The following C2orf76 variants were observed in gnomAD, a reference collection of about 807,000 sequenced individuals.
C2orf76 encodes the protein UPF0538 protein C2orf76.
In C2orf76, 23 loss-of-function variants were observed where a neutral mutation model predicts 16.9. That is an observed-to-expected ratio of 1.36 (90% CI 0.98 to 1.93). The LOEUF (loss-of-function observed/expected upper bound fraction) is 1.93, where lower values mean the gene tolerates loss of function less well. C2orf76 is among the 30% of genes most tolerant of loss of function. The pLI, the probability that C2orf76 is intolerant of heterozygous loss-of-function variation, is 0.00. For synonymous variants in C2orf76, 48 were observed against 52.3 expected (o/e 0.92, Z 0.35); for missense variants, 152 against 152.6 (o/e 1.00, Z 0.02).
intron 4 of C2orf76, among the ~76,000 whole-genome samples, chr2:119,313,985 T>G (rs1428523377): frequency 3.3e-5 from 5 of 151,674 alleles, no homozygotes; most frequent in African/African-American, 9.7e-5. Context: ...TTTCCCCCAC[T>G]TTTCATTTGT....
intron 1 of C2orf76, among the ~76,000 whole-genome samples, chr2:119,358,592 A>G (rs972750798): frequency 1.1e-4 from 17 of 151,720 alleles, no homozygotes; most frequent in African/African-American, 3.6e-4. Flanking sequence ...AAAAAAAAAA[A>G]AAAAAGGCAA....
chr2:119,356,027 G>A (rs560657442), intron 1 of C2orf76, among the ~76,000 whole-genome samples: 1 of 152,246 alleles, frequency 6.6e-6, no homozygotes, highest in East Asian at 1.9e-4. Flanking sequence ...ATCAGAAACA[G>A]GAACCTACCA....
At chr2:119,321,080 CA>C in intron 3 of C2orf76, 73 bp downstream of exon 3, 1 of 819,356 alleles carries the variant, frequency 1.2e-6, no homozygotes, top group Admixed American at 3.5e-5. Context: ...TTTTTGAAAA[CA>C]AAATTTAAGT....
intron 1 of C2orf76, among the ~76,000 whole-genome samples, chr2:119,345,757 A>G (rs1001441921): frequency 3.3e-5 from 5 of 152,158 alleles, no homozygotes; most frequent in African/African-American, 1.2e-4. Context: ...TACAGCTAAA[A>G]AGTACTAAAA....
At chr2:119,310,796 C>T (rs1247173733) in intron 5 of C2orf76, among the ~76,000 whole-genome samples, 1 of 152,166 alleles carries the variant, frequency 6.6e-6, no homozygotes, top group East Asian at 1.9e-4. Context: ...ATCGCTTGAA[C>T]CCGGGAGATG....
Position 119,364,459 on chromosome 2 carries a change from CT to C in C2orf76, c.-13+2330del, listed in dbSNP as rs1023370330. Among the ~76,000 whole-genome samples, 15 of 152,244 alleles carry C rather than the reference CT, an allele frequency of 9.9e-5. 1 individual carries two copies. The highest frequency in any genetic ancestry group is 3.6e-4 in the African/African-American group (15 of 41,560). ...CAACCCCATAGTTTTACATTCAGTT[CT>C]AACAAATTTAGATGGTTTCCAAGTT... is the stretch of plus-strand genomic sequence containing the variant. On this transcript the variant is annotated intron_variant, in intron 1 of 5. Coordinates refer to ENST00000334816, the MANE Select transcript of C2orf76 (RefSeq NM_001322331.2).
chr2:119,315,752 C>T (rs1342715314), intron 4 of C2orf76, among the ~76,000 whole-genome samples: 1 of 152,152 alleles, frequency 6.6e-6, no homozygotes, highest in African/African-American at 2.4e-5. Flanking sequence ...TGGGAGTCCT[C>T]CCTTAAACAA....
chr2:119,301,918 T>A (rs753192049), downstream of C2orf76, among the ~76,000 whole-genome samples: 7 of 138,884 alleles, frequency 5.0e-5, no homozygotes, highest in East Asian at 4.1e-4. Context: ...TGCAATACTT[T>A]AAAAAAAAAA....
the C2orf76 span, among the ~76,000 whole-genome samples, chr2:119,281,386 G>A: frequency 4.0e-4 from 61 of 151,998 alleles, no homozygotes; most frequent in Non-Finnish European, 7.1e-4. Flanking sequence ...TTGGTTTTCC[G>A]TTCCAAGAGT....
rs193239806 is a variant in C2orf76 at position 119,338,388 on chromosome 2, G to A, written c.133+1439C>T. On this transcript the variant is annotated intron_variant, in intron 2 of 5. Transcript: ENST00000334816. ...ACAGCACAAGAGAATCCACATTAACGAGCTTTACTAACTAGCCTTAGTATT... is the reference window on the plus strand; with the variant it reads ...ACAGCACAAGAGAATCCACATTAACAAGCTTTACTAACTAGCCTTAGTATT... Among the ~76,000 whole-genome samples, 19 of 152,332 alleles carry A rather than the reference G, an allele frequency of 1.2e-4. No homozygotes were observed. The East Asian group carries it at 2.9e-3, about 23-fold the overall frequency.
intron 1 of C2orf76, among the ~76,000 whole-genome samples, chr2:119,346,054 C>CAAAA (rs56669262): frequency 2.7e-5 from 2 of 73,528 alleles, no homozygotes; most frequent in African/African-American, 4.4e-5. Context: ...GACGCCATCT[C>CAAAA]AAAAAAAAAA....
At chr2:119,330,554 C>A (rs1679645140) in intron 2 of C2orf76, among the ~76,000 whole-genome samples, 1 of 151,806 alleles carries the variant, frequency 6.6e-6, no homozygotes, top group South Asian at 2.1e-4. Flanking sequence ...CTTCATGTTT[C>A]TTTTGCTTGG....
At chr2:119,297,186 C>T in the C2orf76 span, among the ~76,000 whole-genome samples, 1 of 152,212 alleles carries the variant, frequency 6.6e-6, no homozygotes, top group Non-Finnish European at 1.5e-5. Context: ...CTTATTATCT[C>T]CTCCATCTCA....
At chr2:119,314,387 TAA>T (rs1010702401) in intron 4 of C2orf76, among the ~76,000 whole-genome samples, 19 of 152,320 alleles carry the variant, frequency 1.2e-4, no homozygotes, top group African/African-American at 4.3e-4. Flanking sequence ...TATTTTGGCA[TAA>T]AGAAAAATAC....
intron 1 of C2orf76, among the ~76,000 whole-genome samples, chr2:119,354,206 A>G (rs1296704565): frequency 6.6e-6 from 1 of 152,196 alleles, no homozygotes; most frequent in Non-Finnish European, 1.5e-5. Context: ...TATGAAACTC[A>G]GCATTTATAA....
chr2:119,293,598 TGA>T, the C2orf76 span, among the ~76,000 whole-genome samples: 3 of 151,868 alleles, frequency 2.0e-5, no homozygotes, highest in African/African-American at 7.3e-5. Context: ...GGGGTAGAAG[TGA>T]GAGAGAAGTG....
chr2:119,317,927 A>G lies in C2orf76; in HGVS notation c.185-424T>C, dbSNP rs183824981. On this transcript the variant is annotated intron_variant, in intron 3 of 5. Transcript: ENST00000334816. Reference sequence around the variant, plus strand: ...ATCTATTCAGATGAGATATAATGACAAGAGAGCAAATGATGATACAGGTGT... The same window carrying G: ...ATCTATTCAGATGAGATATAATGACGAGAGAGCAAATGATGATACAGGTGT... Among the ~76,000 whole-genome samples the G allele has an allele frequency of 2.0e-5, 3 of 152,334 alleles. No homozygotes were observed. The East Asian group carries it at 5.8e-4, about 29-fold the overall frequency.
intron 1 of C2orf76, among the ~76,000 whole-genome samples, chr2:119,345,908 A>C (rs1680183395): frequency 1.3e-5 from 2 of 152,014 alleles, no homozygotes; most frequent in Non-Finnish European, 2.9e-5. Flanking sequence ...AAAAATACAA[A>C]AAATTAGCCG....
At chr2:119,331,565 C>A (rs1679678221) in intron 2 of C2orf76, among the ~76,000 whole-genome samples, 2 of 152,174 alleles carry the variant, frequency 1.3e-5, no homozygotes, top group African/African-American at 4.8e-5. Context: ...TATCCCTGTA[C>A]TCTGCCCTGT....
Sources: gnomAD v4.1 joint callset for allele counts (sites outside exome capture counted in the v4.1 genomes callset) on GRCh38, gnomAD v4.1.1 for gene constraint, MANE v1.5 for transcripts, NCBI Gene and HGNC (gene_info 2026-07-23, HGNC 2026-07-21) for gene names.